TSHZ1: variants seen among roughly 807,000 people sequenced by gnomAD.
The protein encoded by TSHZ1 is teashirt zinc finger homeobox 1.
Under a neutral mutation model 67.1 loss-of-function variants are expected in TSHZ1, and 12 were observed. The ratio of observed to expected loss-of-function variants is 0.18; its 90% CI spans 0.11 to 0.29. The LOEUF (loss-of-function observed/expected upper bound fraction) is 0.29. Among genes scored for constraint, TSHZ1 ranks in the 10% least tolerant of loss-of-function variants. TSHZ1 has a pLI of 1.00. For synonymous variants in TSHZ1, 632 were observed against 622.4 expected (o/e 1.02, Z -0.23); for missense variants, 1,305 against 1,413.9 (o/e 0.92, Z 1.23).
At chr18:75,276,511 G>T (rs980903462) in intron 1 of TSHZ1, among the ~76,000 whole-genome samples, 8 of 152,118 alleles carry the variant, frequency 5.3e-5, no homozygotes, top group African/African-American at 2.4e-5. Flanking sequence ...AAAACCACCT[G>T]CTCTCTCCAT....
At chr18:75,254,536 G>T (rs1293657221) in intron 1 of TSHZ1, among the ~76,000 whole-genome samples, 1 of 152,068 alleles carries the variant, frequency 6.6e-6, no homozygotes, top group Non-Finnish European at 1.5e-5. Flanking sequence ...TTATTGTTCT[G>T]TTACACACAG....
intron 1 of TSHZ1, among the ~76,000 whole-genome samples, chr18:75,252,513 G>C (rs1024706504): frequency 2.0e-4 from 30 of 152,102 alleles, no homozygotes; most frequent in African/African-American, 6.8e-4. Context: ...ATGTTTAAAG[G>C]TGCCTTCCAA....
At chr18:75,222,460 C>A (rs915426315) in intron 1 of TSHZ1, among the ~76,000 whole-genome samples, 3 of 152,066 alleles carry the variant, frequency 2.0e-5, no homozygotes, top group African/African-American at 7.2e-5. Flanking sequence ...CACAAAAGAT[C>A]GTTGTCTCCT....
In TSHZ1 at chr18:75,264,269, A is replaced by G. The variant is rs560231101; in HGVS notation, c.41-21179A>G. On this transcript the variant is annotated intron_variant, in intron 1 of 1. Transcript: ENST00000580243. ...GAAAACAATATGTCATCCAGTAAAT[A>G]TGTTCGTGGATAGCATATATCTGAA... is the stretch of plus-strand genomic sequence containing the variant. Among the ~76,000 whole-genome samples, 4 of 152,354 alleles carry G rather than the reference A, an allele frequency of 2.6e-5. No homozygotes were observed. In the East Asian group the frequency reaches 7.7e-4, roughly 29 times the overall value.
Position 75,271,948 on chromosome 18 carries a change from C to A in TSHZ1, c.41-13500C>A, listed in dbSNP as rs146463698. Among the ~76,000 whole-genome samples the A allele has an allele frequency of 2.0e-3, 297 of 152,290 alleles. 1 individual carries two copies. The highest frequency in any genetic ancestry group is 5.6e-3 in the African/African-American group (234 of 41,552). On this transcript the variant is annotated intron_variant, in intron 1 of 1. Transcript: ENST00000580243. The stretch of plus-strand genomic sequence containing the variant: ...GATCTAGCTGCCTTCCTTCTCCGCT[C>A]GCTTCCTGTAAAGAATGTATGGAAG...
chr18:75,227,375 G>A (rs1198660940), intron 1 of TSHZ1, among the ~76,000 whole-genome samples: 1 of 152,052 alleles, frequency 6.6e-6, no homozygotes, highest in Non-Finnish European at 1.5e-5. Context: ...AGACAGTGAT[G>A]AGGTTCGAGT....
intron 1 of TSHZ1, among the ~76,000 whole-genome samples, chr18:75,252,140 T>C (rs1027660070): frequency 5.9e-5 from 9 of 152,272 alleles, no homozygotes; most frequent in African/African-American, 1.9e-4. Flanking sequence ...AGTGCATGTA[T>C]AGTATCCCAT....
chr18:75,246,696 C>CT (rs200987563), intron 1 of TSHZ1, among the ~76,000 whole-genome samples: 2,438 of 151,970 alleles, frequency 0.016, 27 homozygotes, highest in Non-Finnish European at 0.025. Flanking sequence ...AGCCTGTGGC[C>CT]TTTTTTTGTT....
At chr18:75,282,929 G>A (rs533902347) in intron 1 of TSHZ1, 1 of 152,470 alleles carries the variant, frequency 6.6e-6, no homozygotes, top group East Asian at 1.9e-4. Flanking sequence ...ACACAGAGCA[G>A]TGCGCCAGCA....
chr18:75,280,765 C>A (rs2023675018), intron 1 of TSHZ1: 2 of 985,414 alleles, frequency 2.0e-6, no homozygotes, highest in Non-Finnish European at 2.4e-6. Flanking sequence ...GGAGCCTGTG[C>A]CGTGTGAGCT....
chr18:75,248,354 T>A (rs187199856), intron 1 of TSHZ1, among the ~76,000 whole-genome samples: 1 of 152,368 alleles, frequency 6.6e-6, no homozygotes, highest in Non-Finnish European at 1.5e-5. Context: ...TGGAAGGTGA[T>A]CGAAGTGTAT....
intron 1 of TSHZ1, among the ~76,000 whole-genome samples, chr18:75,230,321 C>T (rs1161806470): frequency 1.3e-5 from 2 of 152,166 alleles, no homozygotes; most frequent in African/African-American, 4.8e-5. Context: ...GCACCCAGAG[C>T]TGCCGTCCCT....
intron 1 of TSHZ1, among the ~76,000 whole-genome samples, chr18:75,231,081 G>A (rs1354787535): frequency 6.6e-6 from 1 of 152,220 alleles, no homozygotes; most frequent in African/African-American, 2.4e-5. Context: ...TGGGTGGCAT[G>A]TGAGGAGATG....
At chr18:75,227,991 G>T (rs560563183) in intron 1 of TSHZ1, among the ~76,000 whole-genome samples, 2 of 152,340 alleles carry the variant, frequency 1.3e-5, no homozygotes, top group South Asian at 4.1e-4. Flanking sequence ...TTAAAGCAAA[G>T]ATTGATTGTG....
chr18:75,262,705 T>G (rs1189766705), intron 1 of TSHZ1, among the ~76,000 whole-genome samples: 1 of 152,244 alleles, frequency 6.6e-6, no homozygotes, highest in East Asian at 1.9e-4. Context: ...CCACACAGTC[T>G]CTGGTGGCCA....
chr18:75,288,798 C>T lies in TSHZ1; in HGVS notation c.*157C>T, dbSNP rs991967394. The T allele has an allele frequency of 3.7e-5, 45 of 1,209,256 alleles. No homozygotes were observed. The highest frequency in any genetic ancestry group is 4.8e-5 in the Non-Finnish European group (43 of 896,264). 74.9% of individuals were successfully genotyped at this position (1,209,256 alleles called of 1,614,324 possible). A position where few individuals can be genotyped will look rare whatever the true frequency, so the allele number is the denominator to read the frequency against. On this transcript the variant is annotated 3_prime_UTR_variant, in exon 2 of 2. Coordinates refer to ENST00000580243, the MANE Select transcript of TSHZ1 (RefSeq NM_001308210.2). This position sits in a 1 kb window ranked among gnomAD's most constrained non-coding sequence, Gnocchi z 4.9. ...CATATTTTGTATATTTATATGCTCT[C>T]TGTCCGATCTGTGCATGTTATTTTT...
intron 1 of TSHZ1, among the ~76,000 whole-genome samples, chr18:75,277,049 TC>T (rs1321604623): frequency 6.6e-6 from 1 of 152,190 alleles, no homozygotes; most frequent in Non-Finnish European, 1.5e-5. Context: ...ACCTCTCTCT[TC>T]CTTCCTCTGT....
At chr18:75,216,065 C>G (rs1012888294) in intron 1 of TSHZ1, among the ~76,000 whole-genome samples, 3 of 152,020 alleles carry the variant, frequency 2.0e-5, no homozygotes, top group African/African-American at 7.3e-5. Flanking sequence ...TTAGGCGCCG[C>G]CTGCGTATGC....
chr18:75,269,116 A>G (rs1422237075), intron 1 of TSHZ1, among the ~76,000 whole-genome samples: 1 of 152,200 alleles, frequency 6.6e-6, no homozygotes, highest in Non-Finnish European at 1.5e-5. Flanking sequence ...AGATTGATAA[A>G]AGAAGTATTT....
Sources: gnomAD v4.1 joint callset for allele counts (sites outside exome capture counted in the v4.1 genomes callset) on GRCh38, gnomAD v4.1.1 for gene constraint, Gnocchi (gnomAD v3.1) non-coding constraint, MANE v1.5 for transcripts, NCBI Gene and HGNC (gene_info 2026-07-23, HGNC 2026-07-21) for gene names.